TULP4: variants seen among roughly 807,000 people sequenced by gnomAD.
TULP4 encodes the protein tubby-related protein 4.
A neutral mutation model predicts 129.0 loss-of-function variants in TULP4; 16 were observed. The observed-to-expected ratio is 0.12, with a 90% confidence interval of 0.08 to 0.19. The LOEUF (loss-of-function observed/expected upper bound fraction) is 0.19, where lower values mean the gene tolerates loss of function less well. TULP4 is among the 10% of genes least tolerant of loss of function. The pLI, the probability that TULP4 is intolerant of heterozygous loss-of-function variation, is 1.00. For missense variants in TULP4, 1,842 were observed against 2,059.1 expected, an observed-to-expected ratio of 0.89 and a Z score of 2.04; for synonymous variants, 998 against 854.0, an observed-to-expected ratio of 1.17 and a Z score of -2.94.
intron 11 of TULP4, among the ~76,000 whole-genome samples, chr6:158,496,263 A>T (rs998612482): frequency 1.3e-5 from 2 of 152,364 alleles, no homozygotes; most frequent in South Asian, 2.1e-4. Flanking sequence ...GCTGTGCGTA[A>T]CCTACTAAAA....
intron 1 of TULP4, among the ~76,000 whole-genome samples, chr6:158,395,283 GAA>G (rs1777680648): frequency 6.6e-6 from 1 of 152,058 alleles, no homozygotes; most frequent in African/African-American, 2.4e-5. Flanking sequence ...ACTGTCAGTA[GAA>G]GTATGGAAGA....
chr6:158,387,358 T>A (rs1777472276), intron 1 of TULP4, among the ~76,000 whole-genome samples: 1 of 152,144 alleles, frequency 6.6e-6, no homozygotes, highest in South Asian at 2.1e-4. Context: ...CACAACATGC[T>A]GTAATAAATG....
At chr6:158,257,733 A>G (rs1778275383) in intron 1 of TULP4, among the ~76,000 whole-genome samples, 1 of 152,198 alleles carries the variant, frequency 6.6e-6, no homozygotes, top group Non-Finnish European at 1.5e-5. Flanking sequence ...TGTACCCTCC[A>G]TGTATGTTGT....
intron 1 of TULP4, among the ~76,000 whole-genome samples, chr6:158,371,213 AG>A (rs1268818171): frequency 3.9e-5 from 6 of 152,214 alleles, no homozygotes; most frequent in African/African-American, 1.4e-4. Context: ...GGAGAGTGAG[AG>A]GTTTGAGTAA....
chr6:158,349,855 C>CG (rs1780458033), intron 1 of TULP4, among the ~76,000 whole-genome samples: 2 of 114,708 alleles, frequency 1.7e-5, no homozygotes, highest in Non-Finnish European at 1.8e-5. Flanking sequence ...CGCTCCTCAC[C>CG]TCCCAGACGG....
chr6:158,418,597 T>A (rs768473554), intron 2 of TULP4, among the ~76,000 whole-genome samples: 3 of 152,060 alleles, frequency 2.0e-5, no homozygotes, highest in Non-Finnish European at 4.4e-5. Flanking sequence ...CAAGACCTCA[T>A]CTCAACAAAA....
At chr6:158,465,142 C>G (rs2115196981) in intron 6 of TULP4, among the ~76,000 whole-genome samples, 1 of 152,328 alleles carries the variant, frequency 6.6e-6, no homozygotes, top group Admixed American at 6.5e-5. Flanking sequence ...GCCCAAACTT[C>G]CTTCCTGTCA....
rs1175130354 is a variant in TULP4 at position 158,413,779 on chromosome 6, G to A, written c.381+586G>A. ...TAGAACTGCTCCATAGATTGTTCTG[G>A]TTTACAGGACGGCTTCATGGTGCAC... On this transcript the variant is annotated intron_variant, in intron 2 of 13. Coordinates refer to ENST00000367097, the MANE Select transcript of TULP4 (RefSeq NM_020245.5). This position sits in a 1 kb window ranked among gnomAD's most constrained non-coding sequence, Gnocchi z 4.9. 6.6e-6 allele frequency among the ~76,000 whole-genome samples: 1 copy of A among 152,226 alleles called. No homozygotes were observed. Among genetic ancestry groups the A allele is most frequent in the Admixed American group, 6.5e-5 (1 of 15,288 alleles).
chr6:158,294,170 C>G (rs1370271087), intron 1 of TULP4, among the ~76,000 whole-genome samples: 1 of 152,050 alleles, frequency 6.6e-6, no homozygotes, highest in African/African-American at 2.4e-5. Context: ...TTGCAACCAG[C>G]CTGGACAACA....
chr6:158,239,035 A>G (rs1473712478), intron 1 of TULP4, among the ~76,000 whole-genome samples: 77 of 108,186 alleles, frequency 7.1e-4, no homozygotes, highest in Non-Finnish European at 1.0e-3. Flanking sequence ...CTCCCGGACG[A>G]GGCGGCTGGC....
chr6:158,248,194 C>T (rs1261024001), intron 1 of TULP4, among the ~76,000 whole-genome samples: 1 of 152,034 alleles, frequency 6.6e-6, no homozygotes, highest in Non-Finnish European at 1.5e-5. Context: ...GTAATCCCAG[C>T]ATTTTGGGAG....
rs1777755071 is a variant in TULP4, at chr6:158,238,075, C to G, written n.68+5772C>G. 4.2e-6 allele frequency: 3 copies of G among 707,010 alleles called. No individual in the cohort carries two copies. The Admixed American group carries it at 5.6e-5, about 13-fold the overall frequency. 43.8% of individuals were successfully genotyped at this position (707,010 alleles called of 1,614,324 possible). On this transcript the variant is annotated intron_variant and non_coding_transcript_variant, in intron 1 of 1. Transcript: ENST00000620026. ...GAAGACATCAGTGGTACTATTAAAT[C>G]TTCTTCATGGCTACACATGGTCACT...
intron 6 of TULP4, among the ~76,000 whole-genome samples, chr6:158,473,216 C>T (rs1779730883): frequency 6.6e-6 from 1 of 152,148 alleles, no homozygotes; most frequent in Non-Finnish European, 1.5e-5. Flanking sequence ...AATCCTATAG[C>T]AAAAATAGAC....
At chr6:158,443,950 T>G (rs570771181) in intron 3 of TULP4, among the ~76,000 whole-genome samples, 2 of 152,184 alleles carry the variant, frequency 1.3e-5, no homozygotes, top group South Asian at 2.1e-4. Context: ...CCGGGTGCGG[T>G]GGCTCACGCC....
At chr6:158,345,109 A>C (rs1331025974) in intron 1 of TULP4, among the ~76,000 whole-genome samples, 2 of 152,230 alleles carry the variant, frequency 1.3e-5, no homozygotes, top group African/African-American at 4.8e-5. Flanking sequence ...GAGGTGAGGA[A>C]ACTGCAGAAG....
chr6:158,408,365 A>C (rs1778012482), intron 1 of TULP4, among the ~76,000 whole-genome samples: 1 of 152,070 alleles, frequency 6.6e-6, no homozygotes, highest in African/African-American at 2.4e-5. Context: ...CTGGAAAGGG[A>C]GATTACCTTT....
chr6:158,293,261 T>C (rs1778975754), intron 1 of TULP4, among the ~76,000 whole-genome samples: 1 of 152,244 alleles, frequency 6.6e-6, no homozygotes, highest in Non-Finnish European at 1.5e-5. Context: ...GTGGCCCTTG[T>C]GGCTTTTGCT....
Position 158,314,144 on chromosome 6 carries a change from A to AAGGC in TULP4, c.129_132dup (p.Trp45ArgfsTer19). 1 of 1,614,134 alleles carries AAGGC rather than the reference A, an allele frequency of 6.2e-7. No individual in the cohort carries two copies. The stretch of plus-strand genomic sequence containing the variant: ...GTGTGCAGGAGACGCTACTATGAGG[A>AAGGC]AGGCTGGCTGGCCACGGGCAACGGG... On this transcript the variant is annotated frameshift_variant, in exon 1 of 14. Coordinates refer to ENST00000367097, the MANE Select transcript of TULP4 (RefSeq NM_020245.5). LOFTEE classifies it high-confidence loss of function.
At chr6:158,422,471 A>C (rs1778367022) in intron 2 of TULP4, among the ~76,000 whole-genome samples, 1 of 152,234 alleles carries the variant, frequency 6.6e-6, no homozygotes, top group Admixed American at 6.5e-5. Flanking sequence ...GATGAATCAG[A>C]GATAAGTGAT....
Sources: gnomAD v4.1 joint callset for allele counts (sites outside exome capture counted in the v4.1 genomes callset) on GRCh38, gnomAD v4.1.1 for gene constraint, Gnocchi (gnomAD v3.1) non-coding constraint, MANE v1.5 for transcripts, NCBI Gene and HGNC (gene_info 2026-07-23, HGNC 2026-07-21) for gene names.